Variants in NRG1 observed in about 807,000 individuals in gnomAD.
The protein encoded by NRG1 is neuregulin 1.
A neutral mutation model predicts 63.8 loss-of-function variants in NRG1; 18 were observed. The ratio of observed to expected loss-of-function variants is 0.28; its 90% CI spans 0.19 to 0.42. NRG1 has a LOEUF of 0.42. Among genes scored for constraint, NRG1 ranks in the 10% least tolerant of loss-of-function variants. The probability of loss-of-function intolerance (pLI) is 1.00; values close to 1 mark genes in which losing one functional copy is unlikely to be tolerated. For synonymous variants in NRG1, 302 were observed against 301.3 expected, an observed-to-expected ratio of 1.00 and a Z score of -0.02; for missense variants, 762 against 814.7, an observed-to-expected ratio of 0.94 and a Z score of 0.79.
At chr8:31,775,279 C>A (rs1819009468) in intron 1 of NRG1, among the ~76,000 whole-genome samples, 1 of 152,198 alleles carries the variant, frequency 6.6e-6, no homozygotes, top group South Asian at 2.1e-4. Flanking sequence ...AGAATGAAAT[C>A]ATGTCTTTTG....
At chr8:32,251,471 G>T (rs915509605) in intron 1 of NRG1, among the ~76,000 whole-genome samples, 1 of 152,112 alleles carries the variant, frequency 6.6e-6, no homozygotes, top group Non-Finnish European at 1.5e-5. Context: ...TGGGCATTTG[G>T]GTTGGATCCA....
intron 1 of NRG1, among the ~76,000 whole-genome samples, chr8:31,890,749 T>G (rs1831083860): frequency 6.6e-6 from 1 of 152,158 alleles, no homozygotes; most frequent in Non-Finnish European, 1.5e-5. Context: ...ACAATCACAG[T>G]CAAGTTTTCA....
intron 1 of NRG1, among the ~76,000 whole-genome samples, chr8:31,660,068 C>A (rs529713982): frequency 1.3e-5 from 2 of 152,098 alleles, no homozygotes; most frequent in Non-Finnish European, 2.9e-5. Context: ...GAACCAAGTT[C>A]GGCTTATTAG....
At chr8:31,954,815 T>C (rs1468642208) in intron 1 of NRG1, among the ~76,000 whole-genome samples, 2 of 152,214 alleles carry the variant, frequency 1.3e-5, no homozygotes, top group African/African-American at 4.8e-5. Flanking sequence ...TAGAGATCTG[T>C]CAATTCACAA....
At chr8:32,453,984 A>G (rs181844064) in intron 1 of NRG1, among the ~76,000 whole-genome samples, 1 of 152,342 alleles carries the variant, frequency 6.6e-6, no homozygotes, top group Non-Finnish European at 1.5e-5. Flanking sequence ...AGTTTTCTCT[A>G]AGAAGATAGC....
intron 1 of NRG1, among the ~76,000 whole-genome samples, chr8:32,050,250 A>G (rs1052726136): frequency 2.6e-5 from 4 of 152,030 alleles, no homozygotes; most frequent in African/African-American, 9.7e-5. Context: ...AACAAAATAT[A>G]TTTTCTCTTT....
At chr8:31,811,122 A>C (rs1822843972) in intron 1 of NRG1, among the ~76,000 whole-genome samples, 1 of 152,202 alleles carries the variant, frequency 6.6e-6, no homozygotes, top group Non-Finnish European at 1.5e-5. Context: ...CTAGTCATAG[A>C]ATAAACAAGG....
intron 5 of NRG1, among the ~76,000 whole-genome samples, chr8:32,703,360 T>C (rs990778487): frequency 2.0e-5 from 3 of 152,054 alleles, no homozygotes; most frequent in Non-Finnish European, 4.4e-5. Context: ...TCCCAAATGA[T>C]TGCAGAAATG....
intron 1 of NRG1, among the ~76,000 whole-genome samples, chr8:31,643,168 G>C (rs1803967789): frequency 6.6e-6 from 1 of 152,238 alleles, no homozygotes; most frequent in Admixed American, 6.5e-5. Context: ...TGTTCTGGTT[G>C]AGCTGCTTCT....
chr8:31,905,651 G>C (rs1024920494), intron 1 of NRG1, among the ~76,000 whole-genome samples: 1 of 152,112 alleles, frequency 6.6e-6, no homozygotes, highest in Non-Finnish European at 1.5e-5. Flanking sequence ...TGTTGAATGA[G>C]AACTTCATTT....
At chr8:31,786,424 T>G (rs553663160) in intron 1 of NRG1, among the ~76,000 whole-genome samples, 1 of 152,270 alleles carries the variant, frequency 6.6e-6, no homozygotes, top group South Asian at 2.1e-4. Context: ...AAACCATCAG[T>G]TCTGCAGCTG....
At chr8:31,683,423 A>G (rs564280480) in intron 1 of NRG1, among the ~76,000 whole-genome samples, 1 of 152,308 alleles carries the variant, frequency 6.6e-6, no homozygotes, top group Non-Finnish European at 1.5e-5. Flanking sequence ...TCTTAAGTGC[A>G]TATCATTAAG....
intron 1 of NRG1, among the ~76,000 whole-genome samples, chr8:32,423,172 C>G (rs958907183): frequency 6.6e-6 from 1 of 152,204 alleles, no homozygotes. Flanking sequence ...AGTATCAATC[C>G]CTTTGCCTTC....
At chr8:31,970,656 T>G (rs1237583809) in intron 1 of NRG1, among the ~76,000 whole-genome samples, 1 of 152,174 alleles carries the variant, frequency 6.6e-6, no homozygotes, top group Non-Finnish European at 1.5e-5. Flanking sequence ...TACCACCCAC[T>G]GTTTTAAGCA....
At chr8:32,222,381 T>A (rs747075952) in intron 1 of NRG1, among the ~76,000 whole-genome samples, 1 of 152,178 alleles carries the variant, frequency 6.6e-6, no homozygotes, top group Admixed American at 6.5e-5. Flanking sequence ...TTGTAAACAA[T>A]TGGAATTTCT....
chr8:32,552,363 C>T (rs772854758), intron 1 of NRG1, among the ~76,000 whole-genome samples: 7 of 152,074 alleles, frequency 4.6e-5, no homozygotes, highest in Non-Finnish European at 1.0e-4. Flanking sequence ...GAAAAATTCA[C>T]TATCATGCCT....
intron 1 of NRG1, among the ~76,000 whole-genome samples, chr8:32,147,460 C>T (rs1485823658): frequency 6.6e-6 from 1 of 152,092 alleles, no homozygotes; most frequent in Non-Finnish European, 1.5e-5. Context: ...GTATTGATTG[C>T]CCTGGGCAAT....
At chr8:32,428,805 A>AAG (rs1817753180) in intron 1 of NRG1, among the ~76,000 whole-genome samples, 1 of 152,148 alleles carries the variant, frequency 6.6e-6, no homozygotes, top group East Asian at 1.9e-4. Context: ...ACCTCCCTTG[A>AAG]AGATGTCTTT....
At chr8:32,295,949 A>G (rs1292258390) in intron 1 of NRG1, among the ~76,000 whole-genome samples, 2 of 151,178 alleles carry the variant, frequency 1.3e-5, no homozygotes, top group Non-Finnish European at 3.0e-5. Flanking sequence ...GGAAAAAAAA[A>G]AAAAAAAGAG....
Sources: allele counts gnomAD v4.1 joint callset (sites outside exome capture counted in the v4.1 genomes callset), GRCh38; gene constraint gnomAD v4.1.1; transcripts MANE v1.5; gene names NCBI Gene and HGNC (gene_info 2026-07-23, HGNC 2026-07-21).